The following ALKBH8 variants were observed in gnomAD, a reference collection of about 807,000 sequenced individuals.
ALKBH8 encodes alkB homolog 8, tRNA methyltransferase, also known as tRNA (carboxymethyluridine(34)-5-O)-methyltransferase ALKBH8.
A neutral mutation model predicts 59.8 loss-of-function variants in ALKBH8; 36 were observed. The observed-to-expected ratio is 0.60, with a 90% CI of 0.46 to 0.79. ALKBH8 has a LOEUF of 0.79. Ranked by LOEUF, ALKBH8 falls within the 30% of genes least tolerant of loss-of-function variation. The pLI is 0.00. For synonymous variants in ALKBH8, 276 were observed against 273.6 expected (o/e 1.01, Z -0.09); for missense variants, 768 against 801.0 (o/e 0.96, Z 0.50).
intron 7 of ALKBH8, among the ~76,000 whole-genome samples, chr11:107,533,995 T>G (rs1231507240): frequency 6.6e-6 from 1 of 152,072 alleles, no homozygotes; most frequent in Non-Finnish European, 1.5e-5. Flanking sequence ...CCGGGCATAG[T>G]GGTGGGCACC....
At chr11:107,523,103 A>C (rs1343111235) in intron 9 of ALKBH8, among the ~76,000 whole-genome samples, 1 of 152,146 alleles carries the variant, frequency 6.6e-6, no homozygotes, top group Non-Finnish European at 1.5e-5. Flanking sequence ...CAGTAATCCC[A>C]GTATGGGGTA....
At chr11:107,554,556 AAG>A (rs147810013) in intron 3 of ALKBH8, among the ~76,000 whole-genome samples, 71,844 of 151,896 alleles carry the variant, frequency 0.47, 18,262 homozygotes, top group Non-Finnish European at 0.58. Context: ...CTATTAAACA[AAG>A]GGAATAGTGT....
rs757934009 is a variant in ALKBH8 at position 107,553,869 on chromosome 11, T to C, written c.477A>G (p.Thr159=). 1 of 1,613,494 alleles carries C rather than the reference T, an allele frequency of 6.2e-7. No homozygotes were observed. The highest frequency in any genetic ancestry group is 8.5e-7 in the Non-Finnish European group (1 of 1,179,696). The stretch of plus-strand genomic sequence containing the variant: ...TACAGTTTTGATTGTCTGTATCTTC[T>C]GTCCAATCAACACTTTCCAAAAGCA... ...EKMLLESVDW[T]EDTDNQNSQK... The change falls in exon 4 of 12, where the codon ACA becomes ACG. Residue 159 remains threonine, a synonymous_variant. Coordinates refer to ENST00000428149, the MANE Select transcript of ALKBH8 (RefSeq NM_138775.3).
rs1864738883 is a variant in ALKBH8, at chr11:107,556,885, G to A, written c.248C>T (p.Ser83Leu). ...TTCTGTAGTTCTGTATCTTGCAAATGAGTACGGCTTGTTAGGTGGCATTAA... is the reference window on the plus strand; with the variant it reads ...TTCTGTAGTTCTGTATCTTGCAAATAAGTACGGCTTGTTAGGTGGCATTAA... ...ALLMPPNKPYSFARYRTTEES... is the reference protein window; with the variant it reads ...ALLMPPNKPYLFARYRTTEES... Residue 83 changes from serine to leucine, a missense_variant, in exon 3 of 12, where the codon TCA (serine) becomes TTA (leucine). Physicochemically the swap from Ser to Leu is moderately radical, Grantham distance 145. Transcript: ENST00000428149. 9.9e-6 allele frequency: 16 copies of A among 1,611,046 alleles called. No individual in the cohort carries two copies. Among genetic ancestry groups the A allele is most frequent in the Non-Finnish European group, 1.4e-5 (16 of 1,178,536 alleles).
intron 10 of ALKBH8, among the ~76,000 whole-genome samples, chr11:107,516,324 C>T (rs1862861111): frequency 6.6e-6 from 1 of 152,144 alleles, no homozygotes; most frequent in African/African-American, 2.4e-5. Context: ...ACCAAATTTC[C>T]AGTAACTTCT....
chr11:107,509,905 A>C (rs2135470666), intron 11 of ALKBH8, among the ~76,000 whole-genome samples: 1 of 152,358 alleles, frequency 6.6e-6, no homozygotes, highest in East Asian at 1.9e-4. Context: ...ATAAGTTATA[A>C]TACAACAACT....
intron 8 of ALKBH8, among the ~76,000 whole-genome samples, chr11:107,529,750 C>G (rs1453378170): frequency 2.0e-5 from 3 of 152,214 alleles, no homozygotes; most frequent in East Asian, 3.9e-4. Context: ...GATCCACCCG[C>G]CTTGGCCTCC....
At chr11:107,516,021 A>G (rs1463188421) in intron 10 of ALKBH8, among the ~76,000 whole-genome samples, 1 of 152,176 alleles carries the variant, frequency 6.6e-6, no homozygotes, top group Non-Finnish European at 1.5e-5. Flanking sequence ...GCTAATAATA[A>G]CCACCTTTTC....
At chr11:107,514,747 A>G (rs1862788287) in intron 10 of ALKBH8, among the ~76,000 whole-genome samples, 1 of 152,160 alleles carries the variant, frequency 6.6e-6, no homozygotes. Flanking sequence ...TAGAATTGGA[A>G]GTTTCAAGTA....
chr11:107,529,689 G>C (rs890564454), intron 8 of ALKBH8, among the ~76,000 whole-genome samples: 14 of 146,608 alleles, frequency 9.5e-5, no homozygotes, highest in Non-Finnish European at 1.5e-4. Flanking sequence ...ATTTTTAGTA[G>C]AGACGGGGTT....
At chr11:107,549,971 G>C (rs972785728) in intron 6 of ALKBH8, 148 bp from the exon 7 acceptor site, 1 of 549,052 alleles carries the variant, frequency 1.8e-6, no homozygotes. Flanking sequence ...GAAACATTTA[G>C]GGTGAATGTG....
At chr11:107,559,039 CTA>C (rs970115498) in intron 2 of ALKBH8, among the ~76,000 whole-genome samples, 2 of 152,178 alleles carry the variant, frequency 1.3e-5, no homozygotes, top group Admixed American at 1.3e-4. Flanking sequence ...GCCATTTCCC[CTA>C]TAATGTTCTC....
Position 107,518,259 on chromosome 11 carries a change from C to A in ALKBH8, c.1287+4040G>T, listed in dbSNP as rs192101792. On this transcript the variant is annotated intron_variant, in intron 10 of 11. Transcript: ENST00000428149. The stretch of plus-strand genomic sequence containing the variant: ...GTGATAGGATTATGCAAATACCTCT[C>A]TTTTCATCAATTTTCTAAATGATAG... Among the ~76,000 whole-genome samples the A allele has an allele frequency of 4.8e-4, 73 of 152,240 alleles. 1 individual carries two copies. The East Asian group carries it at 0.014, about 29-fold the overall frequency.
chr11:107,504,274 A>G lies in ALKBH8; in HGVS notation c.*384T>C. The G allele has an allele frequency of 2.1e-6, 1 of 476,110 alleles. No individual in the cohort carries two copies. Among genetic ancestry groups the G allele is most frequent in the South Asian group, 4.1e-5 (1 of 24,612 alleles). 29.5% of individuals were successfully genotyped at this position (476,110 alleles called of 1,614,324 possible). On this transcript the variant is annotated 3_prime_UTR_variant, in exon 12 of 12. Transcript: ENST00000428149. ...AACTTCAGACAATTTTCTATTGACC[A>G]GGACTATTTTCTGTATTAACATATA...
intron 7 of ALKBH8, among the ~76,000 whole-genome samples, chr11:107,542,366 A>G (rs530723463): frequency 6.6e-6 from 1 of 152,330 alleles, no homozygotes; most frequent in African/African-American, 2.4e-5. Flanking sequence ...GAGCAATAAC[A>G]TAAGCCACAA....
At chr11:107,512,309 T>TGTTTG (rs144316840) in intron 10 of ALKBH8, among the ~76,000 whole-genome samples, 6 of 138,776 alleles carry the variant, frequency 4.3e-5, no homozygotes, top group Non-Finnish European at 8.1e-5. Context: ...AAGGGTTTTT[T>TGTTTG]TTTGTTTGTT....
intron 2 of ALKBH8, among the ~76,000 whole-genome samples, chr11:107,559,614 T>C (rs17107149): frequency 0.043 from 6,575 of 152,280 alleles, 319 homozygotes; most frequent in East Asian, 0.23. Context: ...TCTGAATGTC[T>C]CACAGCCTCA....
Position 107,521,683 on chromosome 11 carries a change from T to G in ALKBH8, c.1287+616A>C, listed in dbSNP as rs943419026. Among the ~76,000 whole-genome samples the G allele has an allele frequency of 8.5e-5, 13 of 152,236 alleles. 1 individual carries two copies. The highest frequency in any genetic ancestry group is 2.9e-4 in the African/African-American group (12 of 41,548). ...AAAAATGGCTCATAGAAAAAAATAG[T>G]AACTGAAAACAGACATTCTGGAATC... On this transcript the variant is annotated intron_variant, in intron 10 of 11. Coordinates refer to ENST00000428149, the MANE Select transcript of ALKBH8 (RefSeq NM_138775.3).
At chr11:107,527,842 C>A (rs1234523219) in intron 8 of ALKBH8, among the ~76,000 whole-genome samples, 1 of 151,796 alleles carries the variant, frequency 6.6e-6, no homozygotes. Context: ...CTAAGATATC[C>A]AATATAGCAT....
Sources: gnomAD v4.1 joint callset for allele counts (sites outside exome capture counted in the v4.1 genomes callset) on GRCh38, gnomAD v4.1.1 for gene constraint, MANE v1.5 for transcripts, NCBI Gene and HGNC (gene_info 2026-07-23, HGNC 2026-07-21) for gene names.